Variants in WRAP73 observed in about 807,000 individuals in gnomAD.
WRAP73 encodes WD repeat-containing protein WRAP73.
WRAP73 carries 55 observed loss-of-function variants against 59.6 expected under a neutral mutation model. That is an observed-to-expected ratio of 0.92 (90% confidence interval 0.74 to 1.15). WRAP73 has a LOEUF of 1.15. Ranked by LOEUF, WRAP73 falls within the 50% of genes most tolerant of loss-of-function variation. WRAP73 has a pLI of 0.00. For synonymous variants in WRAP73, 265 were observed against 258.2 expected, an observed-to-expected ratio of 1.03 and a Z score of -0.25; for missense variants, 592 against 608.1, an observed-to-expected ratio of 0.97 and a Z score of 0.28.
rs114947482 is a variant in WRAP73, at chr1:3,632,214, G to T, written c.1047C>A (p.Asn349Lys). 6.2e-7 allele frequency: 1 copy of T among 1,612,832 alleles called. No individual in the cohort carries two copies. The highest frequency in any genetic ancestry group is 1.7e-5 in the Admixed American group (1 of 59,956). Residue 349 changes from asparagine to lysine, a missense_variant and splice_region_variant, in exon 10 of 12, where the codon AAC becomes AAA. Transcript: ENST00000270708. Reference protein sequence around the residue: ...SPDSYFLATRNDNIPNAVWVW... With the variant: ...SPDSYFLATRKDNIPNAVWVW... The stretch of plus-strand genomic sequence containing the variant: ...AGCACCTGCGTCAGCACAACTGACC[G>T]TTCCTTGTCGCCAGGAAGTAGCTGT...
intron 8 of WRAP73, chr1:3,634,435 C>T (rs922898445): frequency 2.4e-5 from 4 of 167,674 alleles, no homozygotes; most frequent in African/African-American, 7.2e-5. Context: ...TCCTCGGGGC[C>T]TTTGCATTTC....
chr1:3,645,234 A>C (rs1403807226), intron 3 of WRAP73, among the ~76,000 whole-genome samples: 2 of 152,198 alleles, frequency 1.3e-5, no homozygotes, highest in African/African-American at 2.4e-5. Flanking sequence ...AGCCGAATGA[A>C]ACCCTACAGA....
chr1:3,633,763 G>A (rs1274772284), intron 8 of WRAP73: 12 of 434,302 alleles, frequency 2.8e-5, no homozygotes, highest in Non-Finnish European at 4.5e-5. Flanking sequence ...ATTACAGACG[G>A]GAGACCACTG....
chr1:3,640,983 A>C (rs1471030077), intron 3 of WRAP73, among the ~76,000 whole-genome samples: 1 of 152,246 alleles, frequency 6.6e-6, no homozygotes, highest in African/African-American at 2.4e-5. Flanking sequence ...TTTTACCTTC[A>C]TCTCACAAAA....
At chr1:3,635,873 C>CA (rs1644584573) in intron 6 of WRAP73, 71 bp downstream of exon 6, 1 of 1,281,122 alleles carries the variant, frequency 7.8e-7, no homozygotes, top group African/African-American at 1.5e-5. Flanking sequence ...AACTATATTG[C>CA]AGCATTCAGA....
At chr1:3,644,710 C>A (rs1163151977) in intron 3 of WRAP73, among the ~76,000 whole-genome samples, 1 of 152,232 alleles carries the variant, frequency 6.6e-6, no homozygotes, top group African/African-American at 2.4e-5. Flanking sequence ...ACAATGTCAT[C>A]TAAATGTACT....
intron 10 of WRAP73, 64 bp from the exon 11 acceptor site, chr1:3,631,721 C>T: frequency 1.2e-5 from 19 of 1,538,122 alleles, no homozygotes; most frequent in Non-Finnish European, 1.7e-5. Context: ...TGGCCCTGCC[C>T]CTCTGCTCTG....
chr1:3,648,814 G>A (rs974679416), intron 1 of WRAP73, among the ~76,000 whole-genome samples: 1 of 151,966 alleles, frequency 6.6e-6, no homozygotes, highest in African/African-American at 2.4e-5. Flanking sequence ...TTTAATTGAG[G>A]AGGGGGGCAC....
chr1:3,637,131 C>T (rs778659710), intron 4 of WRAP73, 33 bp from the exon 5 acceptor site: 149 of 1,559,518 alleles, frequency 9.6e-5, no homozygotes, highest in Non-Finnish European at 1.2e-4. Context: ...TGAAATCAAG[C>T]GGCCACAAAA....
At position 3,646,294 on chromosome 1, in the gene WRAP73, G is replaced by A. The variant is rs762264365; in HGVS notation, c.339+372C>T. 3.7e-4 allele frequency among the ~76,000 whole-genome samples: 57 copies of A among 152,206 alleles called. 1 individual carries two copies. The highest frequency in any genetic ancestry group is 2.5e-4 in the Non-Finnish European group (17 of 68,034). On this transcript the variant is annotated intron_variant, in intron 3 of 11. Transcript: ENST00000270708. This position sits in a 1 kb window ranked among gnomAD's most constrained non-coding sequence, Gnocchi z 5.1. ...GCTTCCTTTAAATGACGAGCTGAAA[G>A]TTCTTGACGCAACAAGGAAAGAAAA...
chr1:3,640,596 G>A (rs112089052), intron 3 of WRAP73, among the ~76,000 whole-genome samples: 7 of 141,738 alleles, frequency 4.9e-5, no homozygotes, highest in Admixed American at 2.1e-4. Flanking sequence ...AGGGTGGAAC[G>A]CCCCAGGCTC....
In WRAP73 at chr1:3,631,514, A is replaced by T; in HGVS notation, c.1192T>A (p.Tyr398Asn). 1 of 1,609,898 alleles carries T rather than the reference A, an allele frequency of 6.2e-7. No individual in the cohort carries two copies. Among genetic ancestry groups the T allele is most frequent in the South Asian group, 1.1e-5 (1 of 90,388 alleles). The part of the protein sequence containing the change: ...LAICTGGSRL[Y>N]LWSPAGCMSV... ...ATGCAGCCCGCTGGGGACCACAGGT[A>T]GAGCCTGCTGCCTCCCGTGCAGATG... The change falls in exon 11 of 12, where the codon TAC becomes AAC. Residue 398 changes from tyrosine to asparagine, a missense_variant. Physicochemically the swap from Tyr to Asn is moderately radical, Grantham distance 143. Transcript: ENST00000270708.
intron 6 of WRAP73, chr1:3,635,658 A>G: frequency 2.1e-6 from 1 of 478,648 alleles, no homozygotes; most frequent in South Asian, 2.4e-5. Context: ...CCATCTCTAC[A>G]AAGAATACAA....
At position 3,649,930 on chromosome 1, in the gene WRAP73, C is replaced by A; in HGVS notation, c.69+1G>T. 6.2e-7 allele frequency: 1 copy of A among 1,601,470 alleles called. No homozygotes were observed. Among genetic ancestry groups the A allele is most frequent in the Non-Finnish European group, 8.5e-7 (1 of 1,175,386 alleles). ...CCGTGGCCCAGGTCCCCGCCGCTCA[C>A]CAGGTACTTGCCGTCCGGGGAGAAC... On this transcript the variant is annotated splice_donor_variant, in intron 1 of 11. Coordinates refer to ENST00000270708, the MANE Select transcript of WRAP73 (RefSeq NM_017818.4). LOFTEE classifies it high-confidence loss of function.
At chr1:3,631,288 T>C in intron 11 of WRAP73, 171 bp from the exon 12 acceptor site, 1 of 1,324,352 alleles carries the variant, frequency 7.6e-7, no homozygotes, top group South Asian at 1.4e-5. Flanking sequence ...TTCTAGCCCA[T>C]AAAGCTGAGG....
At chr1:3,633,168 C>T (rs769579101) in intron 9 of WRAP73, 10 of 499,146 alleles carry the variant, frequency 2.0e-5, no homozygotes, top group Non-Finnish European at 3.2e-5. Flanking sequence ...CTGTCAGATC[C>T]GGGTCTCCAG....
chr1:3,635,774 T>C, intron 6 of WRAP73, 170 bp downstream of exon 6: 2 of 614,962 alleles, frequency 3.3e-6, no homozygotes, highest in Middle Eastern at 2.7e-4. Context: ...TGGGCCGTGA[T>C]CACACCACTG....
chr1:3,631,180 A>C, intron 11 of WRAP73, 63 bp from the exon 12 acceptor site: 3 of 1,603,642 alleles, frequency 1.9e-6, no homozygotes, highest in East Asian at 4.5e-5. Context: ...GGGGATGGGC[A>C]CCCCCTTGTC....
Position 3,649,990 on chromosome 1 carries a change from A to C in WRAP73, c.10T>G (p.Ser4Ala). Residue 4 changes from serine (S) to alanine (A), a missense_variant, in exon 1 of 12, where the codon TCC becomes GCC. Ser to Ala is a moderately conservative substitution (Grantham distance 99). Transcript: ENST00000270708. MNF[S>A]EVFKLSSLLC... ...AAGCTGGAGAGCTTGAATACCTCGG[A>C]GAAGTTCATGGCCGCCGCCTGCCGC... 6.3e-7 allele frequency: 1 copy of C among 1,597,878 alleles called. No individual in the cohort carries two copies. Among genetic ancestry groups the C allele is most frequent in the Non-Finnish European group, 8.5e-7 (1 of 1,174,010 alleles).
Sources: allele counts gnomAD v4.1 joint callset (sites outside exome capture counted in the v4.1 genomes callset), GRCh38; gene constraint gnomAD v4.1.1; non-coding constraint Gnocchi (gnomAD v3.1); transcripts MANE v1.5; gene names NCBI Gene and HGNC (gene_info 2026-07-23, HGNC 2026-07-21).